Variants in MRTFB observed in about 807,000 individuals in gnomAD.
MRTFB encodes the protein myocardin-related transcription factor B.
A neutral mutation model predicts 104.2 loss-of-function variants in MRTFB; 29 were observed. That is an observed-to-expected ratio of 0.28 (90% CI 0.21 to 0.38). The LOEUF is 0.38. MRTFB is among the 10% of genes least tolerant of loss of function. MRTFB has a pLI of 1.00. For missense variants in MRTFB, 1,270 were observed against 1,341.6 expected, an observed-to-expected ratio of 0.95 and a Z score of 0.83; for synonymous variants, 535 against 519.5, an observed-to-expected ratio of 1.03 and a Z score of -0.41.
intron 3 of MRTFB, among the ~76,000 whole-genome samples, chr16:14,146,914 C>G (rs1012459385): frequency 1.3e-5 from 2 of 152,178 alleles, no homozygotes; most frequent in Non-Finnish European, 2.9e-5. Context: ...GATAGCCAGA[C>G]AGAAAGCTGT....
the MRTFB span, among the ~76,000 whole-genome samples, chr16:14,044,775 C>T: frequency 1.8e-4 from 28 of 152,312 alleles, no homozygotes; most frequent in African/African-American, 6.5e-4. Context: ...TCCTCTGTCT[C>T]ATCAAGGTGG....
At chr16:14,046,624 C>T in the MRTFB span, among the ~76,000 whole-genome samples, 14 of 152,278 alleles carry the variant, frequency 9.2e-5, no homozygotes, top group African/African-American at 1.2e-4. Flanking sequence ...CCTGCTCCAC[C>T]GCCCTAAAGG....
intron 2 of MRTFB, among the ~76,000 whole-genome samples, chr16:14,115,452 A>G (rs1325417947): frequency 2.6e-5 from 4 of 152,226 alleles, no homozygotes; most frequent in African/African-American, 9.6e-5. Context: ...TTTTGAACAA[A>G]TAATCATTCA....
intron 13 of MRTFB, among the ~76,000 whole-genome samples, chr16:14,251,541 G>A (rs1033093925): frequency 2.0e-5 from 3 of 152,166 alleles, no homozygotes; most frequent in Admixed American, 2.0e-4. Flanking sequence ...CTGCGTAAAG[G>A]GACCACATAT....
chr16:14,082,544 G>A (rs919999057), intron 2 of MRTFB, among the ~76,000 whole-genome samples: 8 of 152,126 alleles, frequency 5.3e-5, no homozygotes, highest in Admixed American at 5.2e-4. Context: ...CACTTTGGGA[G>A]GCCAAGGTGG....
chr16:14,238,151 G>C (rs1311045065), intron 9 of MRTFB, among the ~76,000 whole-genome samples: 2 of 152,124 alleles, frequency 1.3e-5, no homozygotes, highest in Admixed American at 1.3e-4. Flanking sequence ...GAGGTGGGTG[G>C]GTGGAGGTTG....
chr16:14,050,564 A>G, the MRTFB span, among the ~76,000 whole-genome samples: 19,272 of 152,052 alleles, frequency 0.13, 1,474 homozygotes, highest in East Asian at 0.32. Context: ...TCCAGCTTAA[A>G]CAGCATAGCA....
intron 3 of MRTFB, among the ~76,000 whole-genome samples, chr16:14,188,678 G>A (rs981746600): frequency 3.3e-5 from 5 of 152,064 alleles, no homozygotes; most frequent in African/African-American, 4.8e-5. Context: ...ACCATTTACC[G>A]GGTCTGTGAT....
intron 2 of MRTFB, among the ~76,000 whole-genome samples, chr16:14,105,521 C>A (rs149593897): frequency 7.6e-4 from 115 of 152,114 alleles, no homozygotes; most frequent in African/African-American, 2.6e-3. Flanking sequence ...CCTCAGCCTC[C>A]CGAGTAGCTG....
the MRTFB span, among the ~76,000 whole-genome samples, chr16:13,994,913 GT>G: frequency 6.6e-6 from 1 of 152,154 alleles, no homozygotes; most frequent in African/African-American, 2.4e-5. Context: ...TAGTTCAAAG[GT>G]GAGCCACTTT....
In MRTFB at chr16:14,231,817, C is replaced by T. The variant is rs143666088; in HGVS notation, c.694-2329C>T. ...GTCTAAGTGGGGTTTGGTACGGGAA[C>T]GGAGGGGCTTTTGTTGTGTTTTGGT... On this transcript the variant is annotated intron_variant, in intron 8 of 16. Transcript: ENST00000571589. Among the ~76,000 whole-genome samples the T allele has an allele frequency of 5.0e-4, 76 of 152,206 alleles. No homozygotes were observed. The Middle Eastern group carries it at 0.014, about 27-fold the overall frequency.
At chr16:14,247,905 C>G (rs1017388251) in intron 12 of MRTFB, 3 of 178,424 alleles carry the variant, frequency 1.7e-5, no homozygotes, top group Admixed American at 5.5e-5. Context: ...TGATACCACC[C>G]ATCTCTGGAT....
chr16:14,193,982 C>G (rs2040314434), intron 3 of MRTFB, among the ~76,000 whole-genome samples: 1 of 152,124 alleles, frequency 6.6e-6, no homozygotes, highest in Non-Finnish European at 1.5e-5. Context: ...CAGTTTTCGA[C>G]TTAAACCCAT....
intron 3 of MRTFB, among the ~76,000 whole-genome samples, chr16:14,184,389 A>G (rs930097278): frequency 2.0e-5 from 3 of 152,016 alleles, no homozygotes; most frequent in African/African-American, 7.2e-5. Context: ...TGCCCAGCTA[A>G]TTTTTGTATC....
chr16:14,196,210 A>G (rs998920288), intron 3 of MRTFB, among the ~76,000 whole-genome samples: 67 of 152,350 alleles, frequency 4.4e-4, no homozygotes, highest in African/African-American at 1.4e-3. Context: ...GCAGCCAGCC[A>G]GAGAGTTATC....
chr16:14,047,501 C>T, the MRTFB span, among the ~76,000 whole-genome samples: 280 of 152,272 alleles, frequency 1.8e-3, 2 homozygotes, highest in African/African-American at 6.2e-3. Flanking sequence ...TCCGTTCTTA[C>T]GCTGCTGTTA....
chr16:14,135,731 A>T (rs529099429), intron 2 of MRTFB, among the ~76,000 whole-genome samples: 1 of 152,256 alleles, frequency 6.6e-6, no homozygotes, highest in South Asian at 2.1e-4. Flanking sequence ...TACAAAATCA[A>T]TCATATCACT....
At chr16:14,103,159 A>T (rs1240970875) in intron 2 of MRTFB, among the ~76,000 whole-genome samples, 1 of 152,090 alleles carries the variant, frequency 6.6e-6, no homozygotes, top group Admixed American at 6.6e-5. Flanking sequence ...GCTCTCATCT[A>T]ATATTCTTTA....
At chr16:14,195,416 A>T (rs1207282301) in intron 3 of MRTFB, 1 of 620,650 alleles carries the variant, frequency 1.6e-6, no homozygotes, top group African/African-American at 2.0e-5. Context: ...CACATTGCAC[A>T]TGTGTGTGTA....
Sources: gnomAD v4.1 joint callset for allele counts (sites outside exome capture counted in the v4.1 genomes callset) on GRCh38, gnomAD v4.1.1 for gene constraint, MANE v1.5 for transcripts, NCBI Gene and HGNC (gene_info 2026-07-23, HGNC 2026-07-21) for gene names.